Variants in RSPH14 observed in about 807,000 individuals in gnomAD.
RSPH14 encodes rhabdoid tumor deletion region gene 1.
Under a neutral mutation model 26.7 loss-of-function variants are expected in RSPH14, and 20 were observed. The ratio of observed to expected loss-of-function variants is 0.75; its 90% confidence interval spans 0.53 to 1.09. RSPH14 has a LOEUF of 1.09. RSPH14 is among the 50% of genes least tolerant of loss of function. The probability of loss-of-function intolerance (pLI) is 0.00; values close to 1 mark genes in which losing one functional copy is unlikely to be tolerated. For synonymous variants in RSPH14, 177 were observed against 189.3 expected, an observed-to-expected ratio of 0.93 and a Z score of 0.53; for missense variants, 449 against 457.2, an observed-to-expected ratio of 0.98 and a Z score of 0.16.
chr22:23,111,630 C>G (rs2069662300), intron 4 of RSPH14, among the ~76,000 whole-genome samples: 1 of 152,238 alleles, frequency 6.6e-6, no homozygotes, highest in Non-Finnish European at 1.5e-5. Context: ...TTTACTGAGG[C>G]AGGAGCTGCG....
chr22:23,180,455 G>T, the RSPH14 span: 1 of 169,360 alleles, frequency 5.9e-6, no homozygotes, highest in Admixed American at 6.4e-5. Context: ...AGGCCCGCCT[G>T]GCTCCGTCAT....
In RSPH14 at chr22:23,059,592, C is replaced by A. The variant is rs34263197; in HGVS notation, c.917G>T (p.Arg306Leu). 6 of 1,613,774 alleles carry A rather than the reference C, an allele frequency of 3.7e-6. No homozygotes were observed. In the African/African-American group the frequency reaches 6.7e-5, roughly 18 times the overall value. Residue 306 changes from arginine (R) to leucine (L), a missense_variant, in exon 7 of 7, where the codon CGC becomes CTC. By Grantham distance (102) the Arg-to-Leu change is moderately radical. Transcript: ENST00000216036. ...LTMLAEAPEGRKALQTHVPTF... is the reference protein window; with the variant it reads ...LTMLAEAPEGLKALQTHVPTF... ...GGGCACGTGCGTCTGCAGGGCCTTG[C>A]GGCCCTCGGGGGCCTCTGCCAGCAT...
intron 4 of RSPH14, among the ~76,000 whole-genome samples, chr22:23,077,802 C>CT (rs1160559993): frequency 6.6e-6 from 1 of 152,194 alleles, no homozygotes; most frequent in African/African-American, 2.4e-5. Context: ...GGTGGGAGAA[C>CT]TTGGCACCTA....
chr22:23,094,367 C>T (rs975016389), intron 4 of RSPH14, among the ~76,000 whole-genome samples: 4 of 151,996 alleles, frequency 2.6e-5, no homozygotes, highest in Admixed American at 6.5e-5. Context: ...TAGGGTGTGC[C>T]CCTCCCTGCT....
chr22:23,068,349 A>G (rs1324725117), intron 4 of RSPH14, among the ~76,000 whole-genome samples: 2 of 152,236 alleles, frequency 1.3e-5, no homozygotes, highest in Non-Finnish European at 2.9e-5. Flanking sequence ...AGATAGCCTC[A>G]CATGACTGTA....
At position 23,071,955 on chromosome 22, in the gene RSPH14, C is replaced by T. The variant is rs2068389863; in HGVS notation, c.422-7822G>A. ...TGGGGGCTGCACGGGGCTGAGGGAG[C>T]TGGGAAGTGGAATGACCCCACTGCT... On this transcript the variant is annotated intron_variant, in intron 4 of 6. Coordinates refer to ENST00000216036, the MANE Select transcript of RSPH14 (RefSeq NM_014433.3). The surrounding 1 kb of genome is among the most constrained non-coding windows in gnomAD (Gnocchi z 4.1). Among the ~76,000 whole-genome samples the T allele has an allele frequency of 6.6e-6, 1 of 152,054 alleles. No individual in the cohort carries two copies. Among genetic ancestry groups the T allele is most frequent in the Non-Finnish European group, 1.5e-5 (1 of 67,990 alleles).
chr22:23,150,967 T>A, the RSPH14 span, among the ~76,000 whole-genome samples: 1 of 152,200 alleles, frequency 6.6e-6, no homozygotes, highest in Admixed American at 6.5e-5. Context: ...CCGCGGCAGC[T>A]CCTGCCACCA....
intron 4 of RSPH14, among the ~76,000 whole-genome samples, chr22:23,081,962 A>G (rs1273729634): frequency 1.3e-5 from 2 of 150,956 alleles, no homozygotes; most frequent in Admixed American, 6.6e-5. Context: ...CATCTCTACT[A>G]AAAATACAAA....
intron 4 of RSPH14, among the ~76,000 whole-genome samples, chr22:23,090,278 C>T (rs1369385448): frequency 6.6e-6 from 1 of 152,112 alleles, no homozygotes; most frequent in African/African-American, 2.4e-5. Context: ...CCCTGGAGTT[C>T]CCTGATCGTC....
At chr22:23,063,754 T>TCCCCCTGCC (rs1470384859) in intron 5 of RSPH14, 148 bp downstream of exon 5, 1 of 696,872 alleles carries the variant, frequency 1.4e-6, no homozygotes, top group African/African-American at 1.8e-5. Context: ...GGGGAGAAGG[T>TCCCCCTGCC]CATCCTCTGT....
At chr22:23,123,632 C>A in intron 4 of RSPH14, 1 of 590,724 alleles carries the variant, frequency 1.7e-6, no homozygotes, top group Non-Finnish European at 3.0e-6. Flanking sequence ...TAGACACACA[C>A]ACATGCACAC....
the RSPH14 span, chr22:23,156,019 C>T: frequency 1.9e-6 from 3 of 1,612,546 alleles, no homozygotes; most frequent in Non-Finnish European, 2.5e-6. Context: ...CTGCCTACTA[C>T]CGGGGTGCCC....
chr22:23,170,346 G>A, the RSPH14 span, among the ~76,000 whole-genome samples: 8 of 152,116 alleles, frequency 5.3e-5, no homozygotes, highest in Non-Finnish European at 8.8e-5. Flanking sequence ...GTGCCAACAC[G>A]GTTGGATTCT....
chr22:23,101,194 C>T (rs567970373), intron 4 of RSPH14, among the ~76,000 whole-genome samples: 9 of 152,282 alleles, frequency 5.9e-5, no homozygotes, highest in East Asian at 1.9e-4. Context: ...CCTAACCAGC[C>T]GGCTTTGCAG....
At chr22:23,125,527 T>A (rs1180019822) in intron 4 of RSPH14, among the ~76,000 whole-genome samples, 2 of 152,108 alleles carry the variant, frequency 1.3e-5, no homozygotes, top group East Asian at 3.9e-4. Context: ...GCTTGTGTGG[T>A]TAGAGGTATC....
the RSPH14 span, chr22:23,153,029 A>G: frequency 8.3e-4 from 1,343 of 1,611,384 alleles, 3 homozygotes; most frequent in Non-Finnish European, 1.0e-3. Context: ...CTCATCCCCC[A>G]CAGGTTTTGC....
intron 4 of RSPH14, among the ~76,000 whole-genome samples, chr22:23,086,883 C>G (rs111638943): frequency 6.6e-6 from 1 of 152,174 alleles, no homozygotes; most frequent in South Asian, 2.1e-4. Context: ...GAGCTGCCAC[C>G]GAGGAGGCCC....
At chr22:23,118,645 C>T (rs2069922222) in intron 4 of RSPH14, among the ~76,000 whole-genome samples, 1 of 152,234 alleles carries the variant, frequency 6.6e-6, no homozygotes, top group South Asian at 2.1e-4. Context: ...GGAGCCCTCC[C>T]CCTTGCCATG....
chr22:23,153,255 G>A, the RSPH14 span: 10 of 760,800 alleles, frequency 1.3e-5, no homozygotes, highest in Admixed American at 9.4e-5. Context: ...GCAGAGCCTG[G>A]GGGTGTTGTG....
Sources: gnomAD v4.1 joint callset for allele counts (sites outside exome capture counted in the v4.1 genomes callset) on GRCh38, gnomAD v4.1.1 for gene constraint, Gnocchi (gnomAD v3.1) non-coding constraint, MANE v1.5 for transcripts, NCBI Gene and HGNC (gene_info 2026-07-23, HGNC 2026-07-21) for gene names.